FHIT: variants seen among roughly 807,000 people sequenced by gnomAD.
The protein encoded by FHIT is bis(5'-adenosyl)-triphosphatase.
In FHIT, 19 loss-of-function variants were observed where a neutral mutation model predicts 17.9. The observed-to-expected ratio is 1.06, with a 90% confidence interval of 0.74 to 1.56. FHIT has a LOEUF of 1.56. FHIT is among the 40% of genes most tolerant of loss of function. The pLI, the probability that FHIT is intolerant of heterozygous loss-of-function variation, is 0.00. For missense variants in FHIT, 248 were observed against 189.2 expected, an observed-to-expected ratio of 1.31 and a Z score of -1.82; for synonymous variants, 81 against 69.7, an observed-to-expected ratio of 1.16 and a Z score of -0.81.
At chr3:59,871,419 T>G (rs1206697645) in intron 8 of FHIT, among the ~76,000 whole-genome samples, 1 of 152,242 alleles carries the variant, frequency 6.6e-6, no homozygotes, top group East Asian at 1.9e-4. Context: ...GTAGCCCTAC[T>G]ACAATCCTGT....
intron 8 of FHIT, among the ~76,000 whole-genome samples, chr3:59,860,608 G>C (rs1453587817): frequency 6.6e-6 from 1 of 152,214 alleles, no homozygotes; most frequent in African/African-American, 2.4e-5. Flanking sequence ...TTAATGAAAA[G>C]TATGAGACTG....
chr3:60,623,457 T>C lies in FHIT; in HGVS notation c.-17-86478A>G, dbSNP rs367628061. On this transcript the variant is annotated intron_variant, in intron 4 of 9. Coordinates refer to ENST00000492590, the MANE Select transcript of FHIT (RefSeq NM_002012.4). ...TAATAAATGATAGGACAAGGATTTATATCCCATCATTTTAGCTGTAAAACA... is the reference window on the plus strand; with the variant it reads ...TAATAAATGATAGGACAAGGATTTACATCCCATCATTTTAGCTGTAAAACA... Among the ~76,000 whole-genome samples the C allele has an allele frequency of 2.1e-4, 32 of 152,334 alleles. 1 individual carries two copies. In the South Asian group the frequency reaches 6.2e-3, roughly 30 times the overall value.
intron 5 of FHIT, among the ~76,000 whole-genome samples, chr3:60,320,282 C>T (rs1272136809): frequency 6.6e-6 from 1 of 152,052 alleles, no homozygotes; most frequent in Non-Finnish European, 1.5e-5. Context: ...AAAACTGGGG[C>T]AGATGGGGGT....
intron 5 of FHIT, among the ~76,000 whole-genome samples, chr3:60,309,977 T>C (rs1708866867): frequency 6.6e-6 from 1 of 152,110 alleles, no homozygotes; most frequent in South Asian, 2.1e-4. Flanking sequence ...AGACTGTAGC[T>C]CCTTGAGGAC....
At chr3:60,582,803 G>A (rs77338101) in intron 4 of FHIT, among the ~76,000 whole-genome samples, 1,571 of 152,176 alleles carry the variant, frequency 0.01, 45 homozygotes, top group African/African-American at 0.036. Context: ...TAGGTTTACT[G>A]TGTGTCAGAT....
At chr3:59,968,486 C>T (rs1369631114) in intron 7 of FHIT, among the ~76,000 whole-genome samples, 2 of 151,980 alleles carry the variant, frequency 1.3e-5, no homozygotes, top group East Asian at 1.9e-4. Flanking sequence ...AATAGTTGTA[C>T]CTTCAAGATA....
chr3:60,512,476 C>T (rs1010749367), intron 5 of FHIT, among the ~76,000 whole-genome samples: 1 of 152,218 alleles, frequency 6.6e-6, no homozygotes, highest in African/African-American at 2.4e-5. Flanking sequence ...CTGAACTCGA[C>T]CAGCATAGTT....
chr3:60,933,255 T>C (rs1257693383), intron 3 of FHIT, among the ~76,000 whole-genome samples: 1 of 152,170 alleles, frequency 6.6e-6, no homozygotes, highest in Non-Finnish European at 1.5e-5. Context: ...GACCATCCAA[T>C]AGAAATACAG....
chr3:60,286,277 T>C (rs184137976), intron 5 of FHIT, among the ~76,000 whole-genome samples: 1 of 152,364 alleles, frequency 6.6e-6, no homozygotes, highest in African/African-American at 2.4e-5. Flanking sequence ...ATTTTTCTAT[T>C]GTATCATTTT....
chr3:61,249,991 A>ACACACACACAC (rs1553886933), intron 1 of FHIT, among the ~76,000 whole-genome samples: 9 of 100,386 alleles, frequency 9.0e-5, no homozygotes, highest in African/African-American at 3.0e-4. Flanking sequence ...CACACACACA[A>ACACACACACAC]ACCCTAGACT....
chr3:59,777,064 C>G (rs1010185307), intron 8 of FHIT, among the ~76,000 whole-genome samples: 4 of 152,174 alleles, frequency 2.6e-5, no homozygotes, highest in African/African-American at 9.7e-5. Context: ...GAACTCCAAG[C>G]ACGGTCCATG....
At chr3:60,011,916 G>T (rs916430114) in intron 6 of FHIT, among the ~76,000 whole-genome samples, 3 of 152,132 alleles carry the variant, frequency 2.0e-5, no homozygotes, top group African/African-American at 7.2e-5. Context: ...TCCCAAACTG[G>T]TTCCCTTTCT....
chr3:59,960,155 A>C (rs550013241), intron 7 of FHIT, among the ~76,000 whole-genome samples: 6 of 152,298 alleles, frequency 3.9e-5, no homozygotes, highest in Admixed American at 2.0e-4. Context: ...GACAACTGTG[A>C]TTGTTCAGAC....
intron 1 of FHIT, among the ~76,000 whole-genome samples, chr3:61,210,751 T>C (rs1490227248): frequency 6.6e-6 from 1 of 151,992 alleles, no homozygotes; most frequent in Non-Finnish European, 1.5e-5. Context: ...CCCTTGCGCT[T>C]CCCGGATAAG....
chr3:60,430,678 G>T (rs1366250734), intron 5 of FHIT, among the ~76,000 whole-genome samples: 1 of 151,794 alleles, frequency 6.6e-6, no homozygotes, highest in East Asian at 1.9e-4. Flanking sequence ...TCTGTTTTCT[G>T]CACTTATCTC....
At chr3:59,845,786 C>A (rs1442148134) in intron 8 of FHIT, among the ~76,000 whole-genome samples, 1 of 152,068 alleles carries the variant, frequency 6.6e-6, no homozygotes, top group East Asian at 1.9e-4. Context: ...TCTGTTAGAT[C>A]CAGCTGGTTT....
At chr3:60,465,553 A>T (rs2032742191) in intron 5 of FHIT, among the ~76,000 whole-genome samples, 1 of 151,946 alleles carries the variant, frequency 6.6e-6, no homozygotes, top group African/African-American at 2.4e-5. Context: ...ATCCATTTTG[A>T]TTTGATTTTT....
At chr3:59,918,152 A>G (rs1705224361) in intron 8 of FHIT, among the ~76,000 whole-genome samples, 1 of 152,198 alleles carries the variant, frequency 6.6e-6, no homozygotes, top group African/African-American at 2.4e-5. Flanking sequence ...AGAGCAATAT[A>G]TAGTCTCCTT....
intron 5 of FHIT, among the ~76,000 whole-genome samples, chr3:60,387,007 G>A (rs533015242): frequency 7.2e-6 from 1 of 138,520 alleles, no homozygotes; most frequent in Non-Finnish European, 1.6e-5. Flanking sequence ...CTTTGCCTAA[G>A]GAAATTCTAT....
Sources: allele counts gnomAD v4.1 joint callset (sites outside exome capture counted in the v4.1 genomes callset), GRCh38; gene constraint gnomAD v4.1.1; transcripts MANE v1.5; gene names NCBI Gene and HGNC (gene_info 2026-07-23, HGNC 2026-07-21).